The following CSMD1 variants were observed in gnomAD, a reference collection of about 807,000 sequenced individuals.
CSMD1 encodes CUB and Sushi multiple domains 1.
CSMD1 carries 213 observed loss-of-function variants against 417.5 expected under a neutral mutation model. The observed-to-expected ratio is 0.51, with a 90% CI of 0.46 to 0.57. The LOEUF is 0.57. CSMD1 is among the 20% of genes least tolerant of loss of function. The probability of loss-of-function intolerance (pLI) is 0.00; values close to 1 mark genes in which losing one functional copy is unlikely to be tolerated. For missense variants in CSMD1, 6,923 were observed against 4,529.7 expected, an observed-to-expected ratio of 1.53 and a Z score of -15.17; for synonymous variants, 2,862 against 1,736.8, an observed-to-expected ratio of 1.65 and a Z score of -16.11.
At chr8:4,452,779 TAA>T (rs1332342854) in intron 2 of CSMD1, among the ~76,000 whole-genome samples, 1 of 151,856 alleles carries the variant, frequency 6.6e-6, no homozygotes, top group Non-Finnish European at 1.5e-5. Context: ...ACAAATCCAA[TAA>T]AGTTTATTGG....
intron 18 of CSMD1, among the ~76,000 whole-genome samples, chr8:3,379,831 G>C (rs1285834688): frequency 6.6e-6 from 1 of 152,144 alleles, no homozygotes; most frequent in Non-Finnish European, 1.5e-5. Flanking sequence ...TCAGGACATA[G>C]GCATGGGCAA....
intron 52 of CSMD1, among the ~76,000 whole-genome samples, chr8:3,003,061 T>C (rs1585127650): frequency 6.6e-6 from 1 of 152,234 alleles, no homozygotes. Flanking sequence ...TTTTCACCTG[T>C]TATCACTTTC....
chr8:3,862,269 ACTTAC>A (rs1162789590), intron 5 of CSMD1, among the ~76,000 whole-genome samples: 5 of 152,198 alleles, frequency 3.3e-5, no homozygotes. Context: ...GACTGTGATA[ACTTAC>A]CATTACCTCT....
At chr8:3,595,650 G>A (rs1290285324) in intron 8 of CSMD1, among the ~76,000 whole-genome samples, 1 of 152,180 alleles carries the variant, frequency 6.6e-6, no homozygotes, top group African/African-American at 2.4e-5. Flanking sequence ...ATTTCCAGCT[G>A]TGACTAGCTC....
At chr8:4,459,062 A>C (rs1799654639) in intron 2 of CSMD1, among the ~76,000 whole-genome samples, 1 of 149,508 alleles carries the variant, frequency 6.7e-6, no homozygotes, top group Non-Finnish European at 1.5e-5. Context: ...ATGGCCAGGA[A>C]AACTAGATTC....
At chr8:4,071,283 A>C (rs569165329) in intron 3 of CSMD1, among the ~76,000 whole-genome samples, 1 of 151,970 alleles carries the variant, frequency 6.6e-6, no homozygotes, top group South Asian at 2.1e-4. Flanking sequence ...ATATTTTTTC[A>C]GTCTTATTTT....
intron 3 of CSMD1, among the ~76,000 whole-genome samples, chr8:4,122,491 A>C (rs12549072): frequency 0.4 from 60,527 of 152,096 alleles, 12,134 homozygotes; most frequent in South Asian, 0.42. Context: ...TAGATTAAGT[A>C]AACTGTCTAA....
intron 5 of CSMD1, among the ~76,000 whole-genome samples, chr8:3,966,675 C>G (rs1585046798): frequency 6.6e-6 from 1 of 152,060 alleles, no homozygotes; most frequent in South Asian, 2.1e-4. Flanking sequence ...GTGTTTCATG[C>G]TATCTGCCAC....
intron 3 of CSMD1, among the ~76,000 whole-genome samples, chr8:4,360,184 T>G (rs1266892988): frequency 1.3e-5 from 2 of 152,158 alleles, no homozygotes; most frequent in Non-Finnish European, 2.9e-5. Context: ...TGTCACCGAG[T>G]AAACGCGTGG....
intron 41 of CSMD1, among the ~76,000 whole-genome samples, chr8:3,120,899 A>G (rs1817166608): frequency 6.6e-6 from 1 of 152,200 alleles, no homozygotes; most frequent in South Asian, 2.1e-4. Flanking sequence ...TAACTCAATG[A>G]TGGCAACATT....
At chr8:3,621,997 G>GTGTC (rs1796270883) in intron 7 of CSMD1, among the ~76,000 whole-genome samples, 1 of 151,174 alleles carries the variant, frequency 6.6e-6, no homozygotes, top group African/African-American at 2.4e-5. Flanking sequence ...GTGTATGTGT[G>GTGTC]TGTGTGTGTG....
At chr8:3,200,432 G>A (rs1263900361) in intron 32 of CSMD1, among the ~76,000 whole-genome samples, 1 of 151,800 alleles carries the variant, frequency 6.6e-6, no homozygotes, top group Non-Finnish European at 1.5e-5. Context: ...GTGCATGCCT[G>A]TAATCCCAGC....
intron 31 of CSMD1, 125 bp from the exon 32 acceptor site, chr8:3,201,850 AT>A (rs201266418): frequency 9.6e-6 from 4 of 418,596 alleles, no homozygotes; most frequent in African/African-American, 8.3e-5. Flanking sequence ...TGGTAAAAAA[AT>A]AAATATTAAC....
In CSMD1 at chr8:3,150,557, G is replaced by C. The variant is rs561689137; in HGVS notation, c.6031+840C>G. ...AAGTGTGTGATCTTCTTCCAGGGCAGTTATTTCTATTTATGGTTGTATTCA... is the reference window on the plus strand; with the variant it reads ...AAGTGTGTGATCTTCTTCCAGGGCACTTATTTCTATTTATGGTTGTATTCA... On this transcript the variant is annotated intron_variant, in intron 40 of 69. Coordinates refer to ENST00000635120, the MANE Select transcript of CSMD1 (RefSeq NM_033225.6). Among the ~76,000 whole-genome samples, 3 of 152,304 alleles carry C rather than the reference G, an allele frequency of 2.0e-5. No homozygotes were observed. The South Asian group carries it at 6.2e-4, about 32-fold the overall frequency.
At chr8:3,670,488 C>G in intron 7 of CSMD1, among the ~76,000 whole-genome samples, 2 of 138,738 alleles carry the variant, frequency 1.4e-5, no homozygotes, top group South Asian at 2.3e-4. Context: ...ATATATATCC[C>G]GTATATATAT....
intron 5 of CSMD1, among the ~76,000 whole-genome samples, chr8:3,806,794 T>C (rs1434998177): frequency 2.6e-5 from 4 of 152,202 alleles, no homozygotes; most frequent in Non-Finnish European, 4.4e-5. Context: ...TACTAAATAC[T>C]AGGTGCAGCA....
At chr8:3,410,701 A>T (rs1812638102) in intron 12 of CSMD1, among the ~76,000 whole-genome samples, 1 of 152,172 alleles carries the variant, frequency 6.6e-6, no homozygotes, top group Non-Finnish European at 1.5e-5. Context: ...GTAAAAACAG[A>T]CTAATACAGG....
At chr8:4,895,798 G>C (rs956966128) in intron 1 of CSMD1, among the ~76,000 whole-genome samples, 1 of 151,732 alleles carries the variant, frequency 6.6e-6, no homozygotes, top group African/African-American at 2.4e-5. Context: ...TCAATAAGCT[G>C]TACAGCTGCT....
At chr8:4,389,609 C>T (rs1803708692) in intron 3 of CSMD1, among the ~76,000 whole-genome samples, 1 of 152,126 alleles carries the variant, frequency 6.6e-6, no homozygotes, top group Non-Finnish European at 1.5e-5. Context: ...TGAAGTCAAA[C>T]TTCTCTACAA....
Sources: allele counts gnomAD v4.1 joint callset (sites outside exome capture counted in the v4.1 genomes callset), GRCh38; gene constraint gnomAD v4.1.1; transcripts MANE v1.5; gene names NCBI Gene and HGNC (gene_info 2026-07-23, HGNC 2026-07-21).